Variants in DDX46 observed in about 807,000 individuals in gnomAD.
DDX46 encodes DEAD-box helicase 46.
A neutral mutation model predicts 134.9 loss-of-function variants in DDX46; 30 were observed. That is an observed-to-expected ratio of 0.22 (90% CI 0.17 to 0.30). DDX46 has a LOEUF of 0.30. Ranked by LOEUF, DDX46 falls within the 10% of genes least tolerant of loss-of-function variation. The pLI, the probability that DDX46 is intolerant of heterozygous loss-of-function variation, is 1.00. For synonymous variants in DDX46, 415 were observed against 404.1 expected (o/e 1.03, Z -0.32); for missense variants, 622 against 1,248.7 (o/e 0.50, Z 7.56).
At chr5:134,817,816 A>C (rs1755322040) in intron 20 of DDX46, 102 bp downstream of exon 20, 4 of 906,802 alleles carry the variant, frequency 4.4e-6, no homozygotes, top group Admixed American at 2.8e-5. Flanking sequence ...TAGCTCCTTC[A>C]CTCTTTACCT....
chr5:134,800,133 A>C (rs1341218241), intron 15 of DDX46, among the ~76,000 whole-genome samples: 1 of 152,062 alleles, frequency 6.6e-6, no homozygotes, highest in African/African-American at 2.4e-5. Context: ...TTTTTAGTAG[A>C]GACGGGATTT....
At chr5:134,806,781 T>C (rs1348518230) in intron 15 of DDX46, among the ~76,000 whole-genome samples, 1 of 152,198 alleles carries the variant, frequency 6.6e-6, no homozygotes, top group Non-Finnish European at 1.5e-5. Context: ...GAGTTTATCT[T>C]ATTCCCTTCT....
At chr5:134,771,090 T>C in intron 4 of DDX46, 91 bp downstream of exon 4, 1 of 538,498 alleles carries the variant, frequency 1.9e-6, no homozygotes, top group Admixed American at 3.8e-5. Context: ...TCTTTCTTTC[T>C]CTTTCTTTCT....
At chr5:134,828,617 T>C in intron 22 of DDX46, 42 bp from the exon 23 acceptor site, 1 of 1,364,972 alleles carries the variant, frequency 7.3e-7, no homozygotes, top group Non-Finnish European at 9.7e-7. Flanking sequence ...GTTTTTTTTG[T>C]TTTGCTTTCT....
At chr5:134,817,933 T>G (rs1183755130) in intron 20 of DDX46, among the ~76,000 whole-genome samples, 1 of 151,624 alleles carries the variant, frequency 6.6e-6, no homozygotes, top group African/African-American at 2.4e-5. Flanking sequence ...TGATCTTTGT[T>G]TTCTTTGCTT....
chr5:134,828,108 T>C (rs1755638495), intron 22 of DDX46, among the ~76,000 whole-genome samples: 1 of 152,220 alleles, frequency 6.6e-6, no homozygotes, highest in African/African-American at 2.4e-5. Flanking sequence ...GGTAGACATG[T>C]CCTTGTGTCT....
chr5:134,764,163 A>G (rs1423750101), intron 2 of DDX46, 71 bp downstream of exon 2: 9 of 1,471,714 alleles, frequency 6.1e-6, no homozygotes, highest in Non-Finnish European at 8.2e-6. Context: ...GGCTTCTTGA[A>G]AAGTATGTTT....
intron 21 of DDX46, 130 bp downstream of exon 21, chr5:134,819,134 C>CT (rs1264995950): frequency 2.0e-6 from 2 of 984,350 alleles, no homozygotes; most frequent in Non-Finnish European, 2.8e-6. Flanking sequence ...AAAACAAAAT[C>CT]TTATGACATT....
At chr5:134,760,785 A>G (rs1753354191) in intron 1 of DDX46, among the ~76,000 whole-genome samples, 1 of 152,174 alleles carries the variant, frequency 6.6e-6, no homozygotes, top group African/African-American at 2.4e-5. Context: ...GCTGGAGTGC[A>G]GTGGTGGGAT....
intron 22 of DDX46, among the ~76,000 whole-genome samples, chr5:134,828,437 A>T (rs187433386): frequency 8.5e-5 from 13 of 152,354 alleles, no homozygotes; most frequent in Admixed American, 2.0e-4. Flanking sequence ...GGAATAGTTG[A>T]GTGAACAGAG....
At chr5:134,807,718 A>G in intron 15 of DDX46, 30 bp from the exon 16 acceptor site, 1 of 1,563,768 alleles carries the variant, frequency 6.4e-7, no homozygotes, top group Non-Finnish European at 8.7e-7. Context: ...TAATTTGAAC[A>G]TGTTTTAAAG....
At chr5:134,759,192 C>T (rs1580763507) in intron 1 of DDX46, among the ~76,000 whole-genome samples, 1 of 152,220 alleles carries the variant, frequency 6.6e-6, no homozygotes, top group Non-Finnish European at 1.5e-5. Flanking sequence ...CGGGAACAAC[C>T]CTCCAGGACG....
chr5:134,806,242 C>A (rs976600249), intron 15 of DDX46, among the ~76,000 whole-genome samples: 1 of 150,894 alleles, frequency 6.6e-6, no homozygotes, highest in African/African-American at 2.4e-5. Flanking sequence ...ATCCTGAAAA[C>A]AGAAAGTTTG....
chr5:134,771,887 C>T (rs1753784482), intron 4 of DDX46, among the ~76,000 whole-genome samples: 1 of 152,148 alleles, frequency 6.6e-6, no homozygotes, highest in Non-Finnish European at 1.5e-5. Flanking sequence ...ATACAAAGTG[C>T]AGTCTTACCA....
rs181850089 is a variant in DDX46, at chr5:134,803,696, C to T, written c.1955-4052C>T. 5.9e-5 allele frequency among the ~76,000 whole-genome samples: 9 copies of T among 152,250 alleles called. No homozygotes were observed. In the East Asian group the frequency reaches 7.7e-4, roughly 13 times the overall value. ...TCTCTGGTGTCTTTACGTAGTTGCTCTTTATTTTGCCCAGAGTTCATGGTT... is the reference window on the plus strand; with the variant it reads ...TCTCTGGTGTCTTTACGTAGTTGCTTTTTATTTTGCCCAGAGTTCATGGTT... On this transcript the variant is annotated intron_variant, in intron 15 of 22. Transcript: ENST00000452510.
At chr5:134,822,054 T>G (rs993897688) in intron 21 of DDX46, among the ~76,000 whole-genome samples, 2 of 151,746 alleles carry the variant, frequency 1.3e-5, no homozygotes, top group Non-Finnish European at 2.9e-5. Flanking sequence ...GCTAATTTTA[T>G]TTTTAGTAGA....
At chr5:134,762,465 A>G (rs553635527) in intron 1 of DDX46, among the ~76,000 whole-genome samples, 6 of 152,168 alleles carry the variant, frequency 3.9e-5, no homozygotes, top group East Asian at 3.9e-4. Flanking sequence ...GCGGTGGCTC[A>G]TGCCTGTAAT....
intron 15 of DDX46, among the ~76,000 whole-genome samples, chr5:134,802,251 G>A (rs1754852972): frequency 7.4e-6 from 1 of 134,856 alleles, no homozygotes; most frequent in Non-Finnish European, 1.5e-5. Context: ...CGCAACCTCC[G>A]CCTCCCAGGT....
At chr5:134,776,343 G>A (rs1402063935) in intron 5 of DDX46, among the ~76,000 whole-genome samples, 2 of 151,718 alleles carry the variant, frequency 1.3e-5, no homozygotes, top group African/African-American at 2.4e-5. Context: ...TCAGTGAGCC[G>A]AGATGGTGCC....
Sources: allele counts gnomAD v4.1 joint callset (sites outside exome capture counted in the v4.1 genomes callset), GRCh38; gene constraint gnomAD v4.1.1; transcripts MANE v1.5; gene names NCBI Gene and HGNC (gene_info 2026-07-23, HGNC 2026-07-21).